Variants in ZNF704 observed in about 807,000 individuals in gnomAD.
ZNF704 encodes glucocorticoid induced gene 1.
ZNF704 carries 10 observed loss-of-function variants against 44.7 expected under a neutral mutation model. That is an observed-to-expected ratio of 0.22 (90% CI 0.14 to 0.38). ZNF704 has a LOEUF of 0.38. ZNF704 is among the 10% of genes least tolerant of loss of function. The pLI is 1.00. For synonymous variants in ZNF704, 211 were observed against 207.6 expected (o/e 1.02, Z -0.14); for missense variants, 390 against 545.5 (o/e 0.71, Z 2.84).
intron 3 of ZNF704, among the ~76,000 whole-genome samples, chr8:80,692,647 C>T (rs1818658492): frequency 6.6e-6 from 1 of 152,176 alleles, no homozygotes; most frequent in Admixed American, 6.5e-5. Flanking sequence ...CCAACTGCCT[C>T]CCCAGTCAAA....
At chr8:80,655,401 T>C (rs1026051341) in intron 7 of ZNF704, among the ~76,000 whole-genome samples, 3 of 152,120 alleles carry the variant, frequency 2.0e-5, no homozygotes, top group Admixed American at 6.6e-5. Flanking sequence ...TTTTAAATTA[T>C]AGTCTGTAAA....
At chr8:80,733,854 T>A (rs913910921) in intron 2 of ZNF704, among the ~76,000 whole-genome samples, 1 of 152,228 alleles carries the variant, frequency 6.6e-6, no homozygotes, top group Non-Finnish European at 1.5e-5. Flanking sequence ...CAGCTTTTAT[T>A]GTTCTCAGAG....
chr8:80,696,023 T>C (rs1818719167), intron 2 of ZNF704, among the ~76,000 whole-genome samples: 1 of 152,226 alleles, frequency 6.6e-6, no homozygotes, highest in South Asian at 2.1e-4. Flanking sequence ...TTTGTTTTTA[T>C]CTTTGTTTAA....
chr8:80,641,358 G>A lies in ZNF704; in HGVS notation c.*8C>T. 6.2e-7 allele frequency: 1 copy of A among 1,603,762 alleles called. No homozygotes were observed. The highest frequency in any genetic ancestry group is 1.7e-4 in the Middle Eastern group (1 of 6,042). On this transcript the variant is annotated 3_prime_UTR_variant, in exon 9 of 9. Coordinates refer to ENST00000327835, the MANE Select transcript of ZNF704 (RefSeq NM_001033723.3). ...TCAGGGCCCTGAGCCCCTCTGCCTGGGGGTCTCTCAGTCGAGGAACCTCTG... is the reference window on the plus strand; with the variant it reads ...TCAGGGCCCTGAGCCCCTCTGCCTGAGGGTCTCTCAGTCGAGGAACCTCTG...
chr8:80,641,793 G>T (rs1563500880), intron 8 of ZNF704, among the ~76,000 whole-genome samples: 1 of 152,104 alleles, frequency 6.6e-6, no homozygotes, highest in Non-Finnish European at 1.5e-5. Context: ...CCCGGGAGGT[G>T]GAGTTTGCAG....
At chr8:80,835,595 T>C (rs575769422) in intron 1 of ZNF704, among the ~76,000 whole-genome samples, 9 of 152,302 alleles carry the variant, frequency 5.9e-5, no homozygotes, top group South Asian at 2.1e-4. Flanking sequence ...AGGGTGAACA[T>C]AGAGTAGCTA....
intron 1 of ZNF704, among the ~76,000 whole-genome samples, chr8:80,866,195 T>G (rs1285516851): frequency 6.6e-6 from 1 of 152,182 alleles, no homozygotes; most frequent in Non-Finnish European, 1.5e-5. Flanking sequence ...GAATTACATC[T>G]CAAATTGTGG....
At position 80,641,189 on chromosome 8, in the gene ZNF704, G is replaced by T; in HGVS notation, c.*177C>A. 2 of 451,094 alleles carry T rather than the reference G, an allele frequency of 4.4e-6. No individual in the cohort carries two copies. Among genetic ancestry groups the T allele is most frequent in the Non-Finnish European group, 7.9e-6 (2 of 254,102 alleles). 27.9% of individuals were successfully genotyped at this position (451,094 alleles called of 1,614,324 possible). A position where few individuals can be genotyped will look rare whatever the true frequency, so the allele number is the denominator to read the frequency against. ...GTAAGAGCAACTTTCTTTTGTCATA[G>T]GTGGTGACTTAAACAATTTTTCTGT... is the stretch of plus-strand genomic sequence containing the variant. On this transcript the variant is annotated 3_prime_UTR_variant, in exon 9 of 9. Coordinates refer to ENST00000327835, the MANE Select transcript of ZNF704 (RefSeq NM_001033723.3).
intron 1 of ZNF704, among the ~76,000 whole-genome samples, chr8:80,856,468 GT>G (rs1166957854): frequency 2.6e-5 from 4 of 152,114 alleles, no homozygotes; most frequent in African/African-American, 9.7e-5. Flanking sequence ...ATATTCTCCT[GT>G]TTCTTCAAGA....
At chr8:80,703,021 C>T (rs1402911600) in intron 2 of ZNF704, among the ~76,000 whole-genome samples, 1 of 152,062 alleles carries the variant, frequency 6.6e-6, no homozygotes, top group African/African-American at 2.4e-5. Context: ...GGCTTGGTAA[C>T]AGCCGCGGGG....
chr8:80,863,862 CT>C (rs546904697), intron 1 of ZNF704, among the ~76,000 whole-genome samples: 83 of 152,202 alleles, frequency 5.5e-4, no homozygotes, highest in Non-Finnish European at 9.0e-4. Flanking sequence ...TATTTTCAAT[CT>C]TTTTTTCTTA....
intron 2 of ZNF704, among the ~76,000 whole-genome samples, chr8:80,786,875 T>A (rs967024351): frequency 6.6e-6 from 1 of 152,240 alleles, no homozygotes; most frequent in East Asian, 1.9e-4. Flanking sequence ...CATGTGCTGA[T>A]AGCCCAGAAG....
At chr8:80,791,947 G>C (rs1329587509) in intron 2 of ZNF704, among the ~76,000 whole-genome samples, 1 of 152,210 alleles carries the variant, frequency 6.6e-6, no homozygotes, top group African/African-American at 2.4e-5. Context: ...CTCACAATGG[G>C]TGCCTGACTC....
intron 4 of ZNF704, among the ~76,000 whole-genome samples, chr8:80,675,274 C>A (rs1818346093): frequency 6.6e-6 from 1 of 152,136 alleles, no homozygotes; most frequent in African/African-American, 2.4e-5. Context: ...AAAGACCTTG[C>A]CTCTTGGAGG....
chr8:80,691,392 T>C (rs1214742932), intron 3 of ZNF704, among the ~76,000 whole-genome samples: 2 of 152,226 alleles, frequency 1.3e-5, no homozygotes, highest in East Asian at 3.9e-4. Flanking sequence ...ACCACCTTCT[T>C]GATGGAAAAC....
At chr8:80,798,348 C>T (rs1283834279) in intron 2 of ZNF704, among the ~76,000 whole-genome samples, 2 of 152,030 alleles carry the variant, frequency 1.3e-5, no homozygotes, top group Non-Finnish European at 2.9e-5. Context: ...CTCCGCCTCC[C>T]AGGTTCAAGT....
In ZNF704 at chr8:80,630,046, A is replaced by C. The variant is rs1817558770; in HGVS notation, c.*11320T>G. On this transcript the variant is annotated 3_prime_UTR_variant, in exon 9 of 9. Transcript: ENST00000327835. ...ATCTTTAAAAACATCAAGTAGGAGA[A>C]TATAGATGGGCTTCCCATATCCCCA... The C allele has an allele frequency of 6.6e-6, 1 of 152,258 alleles. No homozygotes were observed. Among genetic ancestry groups the C allele is most frequent in the Non-Finnish European group, 1.5e-5 (1 of 68,044 alleles). The allele number at this position is 152,258 out of a possible 1,614,324, so 9.4% of individuals were successfully genotyped here. A position where few individuals can be genotyped will look rare whatever the true frequency, so the allele number is the denominator to read the frequency against.
rs759882397 is a variant in ZNF704 at position 80,628,604 on chromosome 8, A to C, written c.*12762T>G. 26 of 152,374 alleles carry C rather than the reference A, an allele frequency of 1.7e-4. No individual in the cohort carries two copies. The highest frequency in any genetic ancestry group is 1.3e-4 in the Non-Finnish European group (9 of 68,046). The allele number at this position is 152,374 out of a possible 1,614,324, so 9.4% of individuals were successfully genotyped here. On this transcript the variant is annotated 3_prime_UTR_variant, in exon 9 of 9. Transcript: ENST00000327835. ...CCAGTGTTCTGGCTCTGTTTGTGCC[A>C]GTGCAACCCCAGGTAGAACCATCCA...
chr8:80,815,912 T>C (rs1490742667), intron 2 of ZNF704, among the ~76,000 whole-genome samples: 2 of 152,372 alleles, frequency 1.3e-5, no homozygotes, highest in East Asian at 1.9e-4. Flanking sequence ...GTAGAGTGAA[T>C]GAACATAACT....
Sources: gnomAD v4.1 joint callset for allele counts (sites outside exome capture counted in the v4.1 genomes callset) on GRCh38, gnomAD v4.1.1 for gene constraint, MANE v1.5 for transcripts, NCBI Gene and HGNC (gene_info 2026-07-23, HGNC 2026-07-21) for gene names.